Variants in BICC1 observed in about 807,000 individuals in gnomAD.
BICC1 encodes the protein protein bicaudal C homolog 1.
In BICC1, 43 loss-of-function variants were observed where a neutral mutation model predicts 111.0. The observed-to-expected ratio is 0.39, with a 90% CI of 0.30 to 0.50. The LOEUF is 0.50. Ranked by LOEUF, BICC1 falls within the 20% of genes least tolerant of loss-of-function variation. The probability of loss-of-function intolerance (pLI) is 0.88; values close to 1 mark genes in which losing one functional copy is unlikely to be tolerated. For synonymous variants in BICC1, 467 were observed against 434.4 expected, an observed-to-expected ratio of 1.07 and a Z score of -0.93; for missense variants, 1,091 against 1,203.2, an observed-to-expected ratio of 0.91 and a Z score of 1.38.
chr10:58,747,500 G>T lies in BICC1; in HGVS notation c.308-37501G>T, dbSNP rs147656657. ...TATTATTTTTGATTGAAAAATTATC[G>T]TATACATTTATGGGGTACAATGTGA... On this transcript the variant is annotated intron_variant, in intron 3 of 20. Transcript: ENST00000373886. Among the ~76,000 whole-genome samples, 632 of 151,962 alleles carry T rather than the reference G, an allele frequency of 4.2e-3. 3 individuals carry two copies. The highest frequency in any genetic ancestry group is 0.014 in the African/African-American group (598 of 41,454).
chr10:58,810,798 T>C (rs1240289494), intron 17 of BICC1, among the ~76,000 whole-genome samples: 5 of 152,158 alleles, frequency 3.3e-5, no homozygotes, highest in Middle Eastern at 3.2e-3. Context: ...AAAAACACCT[T>C]CCTTTTTCTT....
intron 1 of BICC1, among the ~76,000 whole-genome samples, chr10:58,584,111 A>AT (rs948774247): frequency 1.3e-5 from 2 of 150,134 alleles, no homozygotes; most frequent in African/African-American, 2.5e-5. Flanking sequence ...GTTTTTCAGT[A>AT]TTTTTTCTCA....
chr10:58,769,400 G>GTCTATATATATATATATATA, intron 3 of BICC1, among the ~76,000 whole-genome samples: 1 of 106,564 alleles, frequency 9.4e-6, no homozygotes, highest in Non-Finnish European at 2.1e-5. Context: ...GTGTGTGTGT[G>GTCTATATATATATATATATA]TGTGTATATA....
chr10:58,797,793 A>G (rs535365711), intron 10 of BICC1, among the ~76,000 whole-genome samples: 1 of 152,324 alleles, frequency 6.6e-6, no homozygotes, highest in Admixed American at 6.5e-5. Flanking sequence ...TAAATCAAGC[A>G]TTGACTCCTT....
At chr10:58,715,211 C>A (rs1320856210) in intron 3 of BICC1, among the ~76,000 whole-genome samples, 1 of 152,048 alleles carries the variant, frequency 6.6e-6, no homozygotes, top group Non-Finnish European at 1.5e-5. Context: ...ACATTTTTAT[C>A]AAAAGATATT....
In BICC1 at chr10:58,618,459, C is replaced by G. The variant is rs142421893; in HGVS notation, c.191-2396C>G. ...GTATAATTATCCTGCTGACGCTGTACATATGGCTTGCGCCTGGGTTGGCTC... is the reference window on the plus strand; with the variant it reads ...GTATAATTATCCTGCTGACGCTGTAGATATGGCTTGCGCCTGGGTTGGCTC... On this transcript the variant is annotated intron_variant, in intron 1 of 20. Coordinates refer to ENST00000373886, the MANE Select transcript of BICC1 (RefSeq NM_001080512.3). Among the ~76,000 whole-genome samples the G allele has an allele frequency of 2.8e-3, 427 of 152,370 alleles. 3 individuals are homozygous for G. Among genetic ancestry groups the G allele is most frequent in the African/African-American group, 9.6e-3 (401 of 41,588 alleles).
intron 2 of BICC1, among the ~76,000 whole-genome samples, chr10:58,624,614 G>T (rs1845928892): frequency 6.6e-6 from 1 of 151,994 alleles, no homozygotes; most frequent in African/African-American, 2.4e-5. Flanking sequence ...GTTTTTTTGA[G>T]ACAGAGTCTT....
chr10:58,775,959 G>A (rs566910008), intron 3 of BICC1, among the ~76,000 whole-genome samples: 13 of 152,284 alleles, frequency 8.5e-5, no homozygotes, highest in Admixed American at 3.3e-4. Flanking sequence ...ACATATAAAA[G>A]TTATATGTAA....
chr10:58,742,504 C>T (rs1181224019), intron 3 of BICC1, among the ~76,000 whole-genome samples: 2 of 139,170 alleles, frequency 1.4e-5, no homozygotes, highest in East Asian at 4.5e-4. Context: ...GTGGCACAAT[C>T]TCAGCTCACT....
Position 58,702,061 on chromosome 10 carries a change from A to T in BICC1, c.238-13A>T. 1 of 1,603,132 alleles carries T rather than the reference A, an allele frequency of 6.2e-7. No homozygotes were observed. Among genetic ancestry groups the T allele is most frequent in the Non-Finnish European group, 8.5e-7 (1 of 1,173,450 alleles). The stretch of plus-strand genomic sequence containing the variant: ...TTTAATTGAGTCAATATTTCTCTCA[A>T]TTTTTGTTACAGATCATGGAGGAAA... On this transcript the variant is annotated splice_polypyrimidine_tract_variant and intron_variant, in intron 2 of 20. Transcript: ENST00000373886.
chr10:58,588,747 A>T (rs1490683752), intron 1 of BICC1, among the ~76,000 whole-genome samples: 1 of 152,194 alleles, frequency 6.6e-6, no homozygotes, highest in African/African-American at 2.4e-5. Flanking sequence ...CTTTGAGTAT[A>T]CAAAAATAGT....
At chr10:58,610,012 A>G (rs546882262) in intron 1 of BICC1, among the ~76,000 whole-genome samples, 45 of 152,356 alleles carry the variant, frequency 3.0e-4, no homozygotes, top group African/African-American at 1.0e-3. Flanking sequence ...TCTGTTAATC[A>G]GTTGGACTGA....
intron 2 of BICC1, among the ~76,000 whole-genome samples, chr10:58,651,606 A>T (rs1307783791): frequency 6.6e-6 from 1 of 152,058 alleles, no homozygotes; most frequent in East Asian, 1.9e-4. Flanking sequence ...GATTTTCCTT[A>T]TGAGATTCTC....
chr10:58,692,449 A>G (rs1373704144), intron 2 of BICC1, among the ~76,000 whole-genome samples: 2 of 152,208 alleles, frequency 1.3e-5, no homozygotes, highest in Non-Finnish European at 2.9e-5. Flanking sequence ...TCATCAATCA[A>G]TGGGAACATT....
intron 1 of BICC1, among the ~76,000 whole-genome samples, chr10:58,518,950 T>G (rs1378997179): frequency 2.0e-5 from 3 of 152,174 alleles, no homozygotes; most frequent in Non-Finnish European, 4.4e-5. Context: ...AATACATAGC[T>G]AGAGAGGTTT....
intron 2 of BICC1, among the ~76,000 whole-genome samples, chr10:58,691,759 C>T (rs950321961): frequency 3.9e-5 from 6 of 152,204 alleles, no homozygotes; most frequent in African/African-American, 1.4e-4. Flanking sequence ...GTTTGCCTCT[C>T]ACTCACTGCA....
chr10:58,745,591 A>AC (rs1841807052), intron 3 of BICC1, among the ~76,000 whole-genome samples: 2 of 76,796 alleles, frequency 2.6e-5, no homozygotes, highest in Admixed American at 1.8e-4. Context: ...CAGCTCTAAG[A>AC]GCCCCCCACC....
intron 1 of BICC1, among the ~76,000 whole-genome samples, chr10:58,589,834 G>A: frequency 6.6e-6 from 1 of 151,802 alleles, no homozygotes. Context: ...TCATTATGTA[G>A]CCCAGGTTGG....
chr10:58,819,573 A>AT (rs1315534986), intron 19 of BICC1, among the ~76,000 whole-genome samples: 1 of 152,168 alleles, frequency 6.6e-6, no homozygotes, highest in Non-Finnish European at 1.5e-5. Context: ...ATCAACATGC[A>AT]TTATTACTAA....
Sources: gnomAD v4.1 joint callset for allele counts (sites outside exome capture counted in the v4.1 genomes callset) on GRCh38, gnomAD v4.1.1 for gene constraint, MANE v1.5 for transcripts, NCBI Gene and HGNC (gene_info 2026-07-23, HGNC 2026-07-21) for gene names.